The following CELF2 variants were observed in gnomAD, a reference collection of about 807,000 sequenced individuals.
CELF2 encodes CUGBP Elav-like family member 2, also known as CUG triplet repeat RNA-binding protein 2.
In CELF2, 8 loss-of-function variants were observed where a neutral mutation model predicts 62.6. The ratio of observed to expected loss-of-function variants is 0.13; its 90% CI spans 0.07 to 0.23. The LOEUF (loss-of-function observed/expected upper bound fraction) is 0.23. Among genes scored for constraint, CELF2 ranks in the 10% least tolerant of loss-of-function variants. The pLI, the probability that CELF2 is intolerant of heterozygous loss-of-function variation, is 1.00. For synonymous variants in CELF2, 258 were observed against 250.0 expected (o/e 1.03, Z -0.30); for missense variants, 333 against 671.0 (o/e 0.50, Z 5.56).
intron 1 of CELF2, among the ~76,000 whole-genome samples, chr10:10,849,987 G>GAA (rs111640292): frequency 3.4e-5 from 5 of 147,266 alleles, no homozygotes; most frequent in Non-Finnish European, 7.5e-5. Flanking sequence ...CTAAAAATAC[G>GAA]AAAAAAAAAA....
intron 1 of CELF2, chr10:10,846,167 C>G: frequency 1.1e-6 from 1 of 940,910 alleles, no homozygotes; most frequent in Non-Finnish European, 1.3e-6. Flanking sequence ...GTAAGGAATC[C>G]ATTCCTTCCT....
At chr10:10,538,263 C>T in the CELF2 span, among the ~76,000 whole-genome samples, 4 of 152,188 alleles carry the variant, frequency 2.6e-5, no homozygotes, top group African/African-American at 9.7e-5. Flanking sequence ...TCCTGCCTCC[C>T]TCTGGTCTGC....
chr10:11,332,014 C>T lies in CELF2; in HGVS notation c.*2961C>T, dbSNP rs2096033506. On this transcript the variant is annotated 3_prime_UTR_variant, in exon 13 of 13. Transcript: ENST00000633077. The stretch of plus-strand genomic sequence containing the variant: ...TTAAGATCCAAAAGAAAACAGAAAA[C>T]AATTCCACGAGGCCAATCTAAAGGG... 6.6e-6 allele frequency: 1 copy of T among 152,140 alleles called. No homozygotes were observed. Among genetic ancestry groups the T allele is most frequent in the Non-Finnish European group, 1.5e-5 (1 of 68,030 alleles). 9.4% of individuals were successfully genotyped at this position (152,140 alleles called of 1,614,324 possible). A position where few individuals can be genotyped will look rare whatever the true frequency, so the allele number is the denominator to read the frequency against.
chr10:10,877,924 G>T (rs1216393755), intron 1 of CELF2, among the ~76,000 whole-genome samples: 1 of 152,118 alleles, frequency 6.6e-6, no homozygotes, highest in Admixed American at 6.5e-5. Flanking sequence ...CATTCATCCA[G>T]ATAGGATCTA....
chr10:11,198,902 C>T (rs2058586142), intron 2 of CELF2, among the ~76,000 whole-genome samples: 1 of 152,174 alleles, frequency 6.6e-6, no homozygotes, highest in South Asian at 2.1e-4. Context: ...TAAAGGATTG[C>T]CCATGAAATC....
rs2061749227 is a variant in CELF2, at chr10:11,211,453, A to G, written c.272-5972A>G. Among the ~76,000 whole-genome samples the G allele has an allele frequency of 1.3e-5, 2 of 152,322 alleles. No homozygotes were observed. Among genetic ancestry groups the G allele is most frequent in the South Asian group, 2.1e-4 (1 of 4,830 alleles). ...CAGAATGAGTTTAAAATCTGACCTC[A>G]TATCATTGTCTAGAGTGGTGTCTAC... is the stretch of plus-strand genomic sequence containing the variant. On this transcript the variant is annotated intron_variant, in intron 2 of 12. Coordinates refer to ENST00000633077, the MANE Select transcript of CELF2 (RefSeq NM_001326342.2). The surrounding 1 kb of genome is among the most constrained non-coding windows in gnomAD (Gnocchi z 4.8).
At chr10:10,641,985 G>A in the CELF2 span, among the ~76,000 whole-genome samples, 1 of 152,148 alleles carries the variant, frequency 6.6e-6, no homozygotes, top group South Asian at 2.1e-4. Context: ...AGAGCCTTGA[G>A]ATAAAGGGCA....
chr10:11,188,353 C>T (rs943880901), intron 2 of CELF2, among the ~76,000 whole-genome samples: 2 of 152,308 alleles, frequency 1.3e-5, no homozygotes, highest in African/African-American at 4.8e-5. Flanking sequence ...GATCTGCCCA[C>T]CTCGGCCTCC....
the CELF2 span, among the ~76,000 whole-genome samples, chr10:10,467,284 G>A: frequency 1.3e-5 from 2 of 151,704 alleles, no homozygotes; most frequent in Admixed American, 1.3e-4. Flanking sequence ...AAAAACCAAG[G>A]GTCAATTTTT....
At chr10:10,875,616 G>A (rs185435960) in intron 1 of CELF2, among the ~76,000 whole-genome samples, 21 of 152,326 alleles carry the variant, frequency 1.4e-4, no homozygotes, top group African/African-American at 4.3e-4. Context: ...TAACAATGGT[G>A]GTGGTGATCA....
chr10:11,025,411 C>T (rs547684036), intron 1 of CELF2, among the ~76,000 whole-genome samples: 10 of 152,142 alleles, frequency 6.6e-5, no homozygotes, highest in African/African-American at 1.7e-4. Context: ...GTGCTGTCCT[C>T]GTGGTAGCGA....
At chr10:11,292,416 GTGGCC>G (rs1049796483) in intron 9 of CELF2, among the ~76,000 whole-genome samples, 1 of 152,218 alleles carries the variant, frequency 6.6e-6, no homozygotes, top group African/African-American at 2.4e-5. Flanking sequence ...AAGTTATCCT[GTGGCC>G]TTTCCATTGA....
chr10:10,840,496 T>A (rs1348055650), intron 1 of CELF2, among the ~76,000 whole-genome samples: 1 of 152,236 alleles, frequency 6.6e-6, no homozygotes, highest in Non-Finnish European at 1.5e-5. Flanking sequence ...TAACTTGCCA[T>A]GCATGTATCT....
intron 1 of CELF2, among the ~76,000 whole-genome samples, chr10:10,855,964 T>C (rs1362671550): frequency 6.6e-6 from 1 of 152,120 alleles, no homozygotes; most frequent in East Asian, 1.9e-4. Flanking sequence ...GGCAAAGAGA[T>C]GTCAGTCTGG....
intron 2 of CELF2, among the ~76,000 whole-genome samples, chr10:11,167,764 G>C (rs1444990625): frequency 6.6e-6 from 1 of 152,170 alleles, no homozygotes; most frequent in Non-Finnish European, 1.5e-5. Flanking sequence ...AAGTTTTTTT[G>C]AGCACGTGCT....
intron 1 of CELF2, among the ~76,000 whole-genome samples, chr10:11,106,396 C>G (rs987702195): frequency 6.6e-6 from 1 of 152,110 alleles, no homozygotes; most frequent in African/African-American, 2.4e-5. Flanking sequence ...ACCACCGTGC[C>G]CGGCTAATTG....
At chr10:11,205,940 G>T (rs765741199) in intron 2 of CELF2, among the ~76,000 whole-genome samples, 12 of 152,308 alleles carry the variant, frequency 7.9e-5, no homozygotes, top group Non-Finnish European at 1.3e-4. Flanking sequence ...GATTTCTATA[G>T]CCAAAGGGTT....
the CELF2 span, among the ~76,000 whole-genome samples, chr10:10,648,920 G>C: frequency 6.6e-6 from 1 of 152,166 alleles, no homozygotes; most frequent in African/African-American, 2.4e-5. Context: ...TACAGATGAT[G>C]CTGTCGGCTA....
intron 2 of CELF2, among the ~76,000 whole-genome samples, chr10:10,966,350 C>A (rs986634725): frequency 6.6e-6 from 1 of 152,108 alleles, no homozygotes; most frequent in Non-Finnish European, 1.5e-5. Context: ...CTGAAGAGCT[C>A]GGGGATAGCT....
Sources: gnomAD v4.1 joint callset for allele counts (sites outside exome capture counted in the v4.1 genomes callset) on GRCh38, gnomAD v4.1.1 for gene constraint, Gnocchi (gnomAD v3.1) non-coding constraint, MANE v1.5 for transcripts, NCBI Gene and HGNC (gene_info 2026-07-23, HGNC 2026-07-21) for gene names.